Variants in NR6A1 observed in about 807,000 individuals in gnomAD.
NR6A1 encodes the protein retinoic acid receptor-related testis-associated receptor.
Under a neutral mutation model 59.1 loss-of-function variants are expected in NR6A1, and 7 were observed. That is an observed-to-expected ratio of 0.12 (90% CI 0.07 to 0.22). The LOEUF is 0.22. Ranked by LOEUF, NR6A1 falls within the 10% of genes least tolerant of loss-of-function variation. The probability of loss-of-function intolerance (pLI) is 1.00; values close to 1 mark genes in which losing one functional copy is unlikely to be tolerated. For synonymous variants in NR6A1, 243 were observed against 236.1 expected, an observed-to-expected ratio of 1.03 and a Z score of -0.27; for missense variants, 468 against 611.6, an observed-to-expected ratio of 0.77 and a Z score of 2.48.
intron 2 of NR6A1, among the ~76,000 whole-genome samples, chr9:124,560,284 A>G (rs1170835191): frequency 2.6e-5 from 4 of 152,212 alleles, no homozygotes. Context: ...ACCCAAGGGT[A>G]GGACTTTACA....
intron 2 of NR6A1, among the ~76,000 whole-genome samples, chr9:124,617,710 C>T (rs1835940923): frequency 6.6e-6 from 1 of 152,262 alleles, no homozygotes; most frequent in South Asian, 2.1e-4. Context: ...CCTCAGGATG[C>T]AGACATTAAG....
intron 2 of NR6A1, among the ~76,000 whole-genome samples, chr9:124,594,720 C>T (rs180815784): frequency 6.6e-6 from 1 of 152,260 alleles, no homozygotes; most frequent in African/African-American, 2.4e-5. Context: ...TGGGGTACAA[C>T]ATATAAGGGA....
chr9:124,531,786 C>A (rs1485036522), intron 7 of NR6A1, among the ~76,000 whole-genome samples: 1 of 152,202 alleles, frequency 6.6e-6, no homozygotes, highest in East Asian at 1.9e-4. Flanking sequence ...GCAGTCATCA[C>A]CAACATTTTC....
rs751335486 is a variant in NR6A1, at chr9:124,543,817, G to A, written c.426C>T (p.Ser142=). The A allele has an allele frequency of 6.2e-7, 1 of 1,613,606 alleles. No individual in the cohort carries two copies. The highest frequency in any genetic ancestry group is 1.1e-5 in the South Asian group (1 of 90,952). The change falls in exon 4 of 10, where the codon AGC becomes AGT. Residue 142 remains serine (S), a synonymous_variant. Coordinates refer to ENST00000487099, the MANE Select transcript of NR6A1 (RefSeq NM_033334.4). The part of the protein sequence containing the change: ...EDGMPGGRNK[S]IGPVQISEEE... ...TAGAACTCACCTGGACTGGCCCAAT[G>A]CTCTTATTCCGGCCTCCAGGCATGC...
chr9:124,761,890 G>A (rs979836566), intron 1 of NR6A1, among the ~76,000 whole-genome samples: 1 of 152,180 alleles, frequency 6.6e-6, no homozygotes, highest in African/African-American at 2.4e-5. Flanking sequence ...TTAAGCAACA[G>A]GTTTCATGTA....
At chr9:124,655,962 C>T (rs1380382481) in intron 2 of NR6A1, among the ~76,000 whole-genome samples, 3 of 152,174 alleles carry the variant, frequency 2.0e-5, no homozygotes, top group African/African-American at 7.2e-5. Flanking sequence ...TTGCTCCCCC[C>T]TCATTGAGTC....
intron 2 of NR6A1, among the ~76,000 whole-genome samples, chr9:124,731,481 G>A (rs1007703001): frequency 6.6e-6 from 1 of 151,884 alleles, no homozygotes; most frequent in South Asian, 2.1e-4. Context: ...GCTGGACCTC[G>A]AATAACACGT....
chr9:124,603,036 A>T (rs1438862576), intron 2 of NR6A1, among the ~76,000 whole-genome samples: 1 of 152,008 alleles, frequency 6.6e-6, no homozygotes, highest in African/African-American at 2.4e-5. Context: ...TTTAAAAATC[A>T]CCTCCTCTGT....
At chr9:124,553,255 G>C (rs886634446) in intron 3 of NR6A1, among the ~76,000 whole-genome samples, 2 of 152,004 alleles carry the variant, frequency 1.3e-5, no homozygotes, top group African/African-American at 4.8e-5. Flanking sequence ...ACCACTCTAG[G>C]CTTCTGACAC....
Position 124,554,380 on chromosome 9 carries a change from C to A in NR6A1, c.333G>T (p.Arg111Ser). The A allele has an allele frequency of 1.2e-6, 2 of 1,614,198 alleles. No homozygotes were observed. The highest frequency in any genetic ancestry group is 1.7e-6 in the Non-Finnish European group (2 of 1,180,030). The change falls in exon 3 of 10, where the codon AGG becomes AGT. Residue 111 changes from arginine to serine, a missense_variant. Physicochemically the swap from Arg to Ser is moderately radical, Grantham distance 110. Around this residue, in one of 4 missense-constraint regions of NR6A1, gnomAD observed 66 missense variants for 139.2 expected, o/e 0.47. Transcript: ENST00000487099. ...ATTTGAGCAGGCGGCAGTACTGGCA[C>A]CTGTTCCTCTGCTTCCGAGACATGA... is the stretch of plus-strand genomic sequence containing the variant. ...NCVMSRKQRN[R>S]CQYCRLLKCL...
chr9:124,700,754 C>CA (rs1372577441), intron 2 of NR6A1, among the ~76,000 whole-genome samples: 3 of 91,276 alleles, frequency 3.3e-5, no homozygotes, highest in African/African-American at 1.6e-4. Flanking sequence ...TTTACATAGC[C>CA]TTTTTTTTTT....
At chr9:124,633,797 G>A (rs1037101346) in intron 2 of NR6A1, among the ~76,000 whole-genome samples, 1 of 152,204 alleles carries the variant, frequency 6.6e-6, no homozygotes, top group Non-Finnish European at 1.5e-5. Context: ...GAAACTGCAC[G>A]CATGGTGATG....
intron 2 of NR6A1, among the ~76,000 whole-genome samples, chr9:124,731,102 T>C (rs1588836640): frequency 6.6e-6 from 1 of 152,090 alleles, no homozygotes; most frequent in South Asian, 2.1e-4. Context: ...CCAGGTGCAG[T>C]GGTTCACGCC....
chr9:124,547,399 T>TC (rs1030610775), intron 3 of NR6A1, among the ~76,000 whole-genome samples: 12 of 152,214 alleles, frequency 7.9e-5, no homozygotes, highest in African/African-American at 2.7e-4. Flanking sequence ...GTGGGACCCC[T>TC]CATCCTCATC....
chr9:124,537,175 C>T (rs912729235), intron 6 of NR6A1, among the ~76,000 whole-genome samples: 7 of 151,992 alleles, frequency 4.6e-5, no homozygotes, highest in African/African-American at 1.7e-4. Context: ...CTGCAACCTC[C>T]ACCTCCTGGG....
At chr9:124,590,092 C>CAAAAAAAAAAAAAAAAAAAAAAA (rs1327869115) in intron 2 of NR6A1, among the ~76,000 whole-genome samples, 1 of 64,800 alleles carries the variant, frequency 1.5e-5, no homozygotes, top group African/African-American at 5.1e-5. Context: ...AAAAAAAAAG[C>CAAAAAAAAAAAAAAAAAAAAAAA]AAAGCTAGTC....
At chr9:124,749,876 AG>A (rs1362988818) in intron 1 of NR6A1, among the ~76,000 whole-genome samples, 5 of 152,256 alleles carry the variant, frequency 3.3e-5, no homozygotes, top group Non-Finnish European at 7.3e-5. Context: ...CACAAACATA[AG>A]GTTAGAATTG....
chr9:124,518,546 T>A lies in NR6A1; in HGVS notation c.*4159A>T, dbSNP rs1169668358. ...CTCCAGGCTAACCAGTTTCCAACACTTGGTGGAATGACTGCCGTTTCTCAT... is the reference window on the plus strand; with the variant it reads ...CTCCAGGCTAACCAGTTTCCAACACATGGTGGAATGACTGCCGTTTCTCAT... On this transcript the variant is annotated 3_prime_UTR_variant, in exon 10 of 10. Transcript: ENST00000487099. The A allele has an allele frequency of 6.6e-6, 1 of 152,054 alleles. No homozygotes were observed. 9.4% of individuals were successfully genotyped at this position (152,054 alleles called of 1,614,324 possible).
At position 124,687,315 on chromosome 9, in the gene NR6A1, T is replaced by A. The variant is rs563759894; in HGVS notation, c.142+45993A>T. Among the ~76,000 whole-genome samples, 686 of 151,740 alleles carry A rather than the reference T, an allele frequency of 4.5e-3. 5 individuals are homozygous for A. Among genetic ancestry groups the A allele is most frequent in the African/African-American group, 0.016 (641 of 41,338 alleles). ...AATTATTTATTTATTTATTTATTTATTTATTGGTAGAGACAAGGTCTTGCT... is the reference window on the plus strand; with the variant it reads ...AATTATTTATTTATTTATTTATTTAATTATTGGTAGAGACAAGGTCTTGCT... On this transcript the variant is annotated intron_variant, in intron 2 of 9. Transcript: ENST00000487099.
Sources: allele counts gnomAD v4.1 joint callset (sites outside exome capture counted in the v4.1 genomes callset), GRCh38; gene constraint gnomAD v4.1.1; regional missense constraint gnomAD v4.1.1; transcripts MANE v1.5; gene names NCBI Gene and HGNC (gene_info 2026-07-23, HGNC 2026-07-21).